Variants in ZNF730 observed in about 807,000 individuals in gnomAD.
The protein encoded by ZNF730 is zinc finger protein 730.
ZNF730 carries 12 observed loss-of-function variants against 12.6 expected under a neutral mutation model. The observed-to-expected ratio is 0.95, with a 90% confidence interval of 0.61 to 1.54. The LOEUF is 1.54. ZNF730 is among the 40% of genes most tolerant of loss of function. The pLI is 0.00. For synonymous variants in ZNF730, 194 were observed against 195.8 expected (o/e 0.99, Z 0.08); for missense variants, 643 against 583.5 (o/e 1.10, Z -1.05).
chr19:23,137,293 AATATTTTTTAGTTCCTTGGT>A (rs1970848758), intron 3 of ZNF730, among the ~76,000 whole-genome samples: 1 of 152,130 alleles, frequency 6.6e-6, no homozygotes, highest in Admixed American at 6.6e-5. Context: ...TTTCATTTAA[AATATTTTTTAGTTCCTTGGT>A]TAAATTTGTT....
chr19:23,114,288 G>A (rs1363215790), upstream of ZNF730, among the ~76,000 whole-genome samples: 9 of 46,864 alleles, frequency 1.9e-4, no homozygotes. Context: ...ATCTAAAGTT[G>A]TTTTTCTTTT....
Position 23,117,123 on chromosome 19 carries a change from G to T in ZNF730, c.-51G>T, listed in dbSNP as rs1970539077. 2 of 1,613,318 alleles carry T rather than the reference G, an allele frequency of 1.2e-6. No homozygotes were observed. The highest frequency in any genetic ancestry group is 2.2e-5 in the East Asian group (1 of 44,864). Reference sequence around the variant, plus strand: ...AGCCTGTGTGGCCCTGCGACCTGCGGGTATTGGGAGATCCACAGCTAAGAC... The same window carrying T: ...AGCCTGTGTGGCCCTGCGACCTGCGTGTATTGGGAGATCCACAGCTAAGAC... On this transcript the variant is annotated 5_prime_UTR_variant, in exon 1 of 4. Transcript: ENST00000597761.
chr19:23,085,510 T>TAAA (rs1970045293), intron 1 of ZNF730, among the ~76,000 whole-genome samples: 1 of 134,924 alleles, frequency 7.4e-6, no homozygotes, highest in Non-Finnish European at 1.6e-5. Flanking sequence ...TTTTTTTTTT[T>TAAA]TTTTTTTTTT....
intron 3 of ZNF730, among the ~76,000 whole-genome samples, chr19:23,143,239 C>T (rs537151442): frequency 4.6e-5 from 7 of 151,152 alleles, no homozygotes; most frequent in East Asian, 1.9e-4. Context: ...AGCGAGACTC[C>T]GTCTCAAAAA....
At chr19:23,135,881 C>T (rs1970824012) in intron 2 of ZNF730, 67 bp from the exon 3 acceptor site, 3 of 1,385,996 alleles carry the variant, frequency 2.2e-6, no homozygotes, top group Middle Eastern at 3.7e-4. Flanking sequence ...ATTCTCTTTA[C>T]TGAGAGCATT....
At chr19:23,091,363 C>T (rs1181852154) in intron 1 of ZNF730, among the ~76,000 whole-genome samples, 2 of 152,250 alleles carry the variant, frequency 1.3e-5, no homozygotes, top group East Asian at 3.9e-4. Flanking sequence ...GGGTCAGAGC[C>T]CCCACACAGT....
Position 23,144,914 on chromosome 19 carries a change from G to A in ZNF730, c.227-357G>A, listed in dbSNP as rs535602264. 2.0e-5 allele frequency among the ~76,000 whole-genome samples: 3 copies of A among 152,156 alleles called. No homozygotes were observed. The East Asian group carries it at 5.8e-4, about 29-fold the overall frequency. ...ATAAACCAGAAATAAAGATGTATGT[G>A]CCAGTATTTTAACTTGTCTTTTAAA... On this transcript the variant is annotated intron_variant, in intron 3 of 3. Transcript: ENST00000597761.
intron 1 of ZNF730, among the ~76,000 whole-genome samples, chr19:23,085,500 T>G (rs1970045058): frequency 2.0e-5 from 1 of 51,068 alleles, no homozygotes; most frequent in African/African-American, 1.5e-4. Context: ...GCCCGTCTTT[T>G]TTTTTTTTTT....
intron 1 of ZNF730, among the ~76,000 whole-genome samples, chr19:23,130,954 T>A (rs1444909334): frequency 6.6e-6 from 1 of 152,188 alleles, no homozygotes; most frequent in Non-Finnish European, 1.5e-5. Flanking sequence ...CAGTTTTGGG[T>A]GATGAATCCT....
intron 1 of ZNF730, chr19:23,127,987 A>G: frequency 1.4e-6 from 1 of 739,902 alleles, no homozygotes; most frequent in East Asian, 2.5e-5. Context: ...GCTCCTCAGT[A>G]GGTCAAGATC....
chr19:23,119,233 G>C lies in ZNF730; in HGVS notation c.3+2057G>C, dbSNP rs1436917166. Among the ~76,000 whole-genome samples the C allele has an allele frequency of 2.0e-5, 3 of 152,118 alleles. No individual in the cohort carries two copies. In the East Asian group the frequency reaches 5.8e-4, roughly 29 times the overall value. The stretch of plus-strand genomic sequence containing the variant: ...TGCCTTCAATGCCAAGTTTGTTGAG[G>C]GTGTTAAACATGAAGGATATTAACT... On this transcript the variant is annotated intron_variant, in intron 1 of 3. Transcript: ENST00000597761.
chr19:23,137,872 T>C (rs1271869671), intron 3 of ZNF730, among the ~76,000 whole-genome samples: 1 of 152,200 alleles, frequency 6.6e-6, no homozygotes, highest in African/African-American at 2.4e-5. Flanking sequence ...TAATTCCCAT[T>C]ATATTTTTGG....
At chr19:23,140,065 ATGTG>A (rs149378177) in intron 3 of ZNF730, among the ~76,000 whole-genome samples, 33 of 149,942 alleles carry the variant, frequency 2.2e-4, no homozygotes, top group Admixed American at 1.9e-3. Context: ...CAATCAGATT[ATGTG>A]TGTGTGTGTG....
At chr19:23,109,416 CT>C (rs1307904124) in intron 1 of ZNF730, among the ~76,000 whole-genome samples, 10 of 141,842 alleles carry the variant, frequency 7.1e-5, no homozygotes, top group Admixed American at 1.4e-4. Context: ...CCTTTTTTTT[CT>C]TTTTTTTTTG....
intron 1 of ZNF730, among the ~76,000 whole-genome samples, chr19:23,122,720 A>G (rs933648118): frequency 2.6e-5 from 4 of 152,348 alleles, no homozygotes; most frequent in Admixed American, 2.0e-4. Flanking sequence ...TTTGTAGACA[A>G]CTTGCATTCA....
rs1212231997 is a variant in ZNF730 at position 23,094,693 on chromosome 19, C to G, written c.-94+19306C>G. On this transcript the variant is annotated intron_variant, in intron 1 of 2. Transcript: ENST00000593635. ...TTCAACATGTTGACCAGGCTGATCTCGAACTCCTGACCTCAGGTGATCCAC... is the reference window on the plus strand; with the variant it reads ...TTCAACATGTTGACCAGGCTGATCTGGAACTCCTGACCTCAGGTGATCCAC... 2.0e-5 allele frequency among the ~76,000 whole-genome samples: 3 copies of G among 152,154 alleles called. No individual in the cohort carries two copies. The East Asian group carries it at 5.8e-4, about 29-fold the overall frequency.
At chr19:23,081,305 C>G (rs543563869) in intron 1 of ZNF730, among the ~76,000 whole-genome samples, 1 of 151,850 alleles carries the variant, frequency 6.6e-6, no homozygotes, top group East Asian at 2.0e-4. Flanking sequence ...CCACCACTCC[C>G]AGCTAATTTT....
intron 1 of ZNF730, chr19:23,127,740 G>T: frequency 2.8e-6 from 3 of 1,086,912 alleles, no homozygotes; most frequent in Non-Finnish European, 4.3e-6. Context: ...ATTGCTTTAA[G>T]TCCACAGTTC....
chr19:23,124,225 C>T (rs888813529), intron 1 of ZNF730: 6 of 152,174 alleles, frequency 3.9e-5, no homozygotes, highest in Non-Finnish European at 8.8e-5. Context: ...TAGGAGAACG[C>T]AAGCAGGGTG....
Sources: gnomAD v4.1 joint callset for allele counts (sites outside exome capture counted in the v4.1 genomes callset) on GRCh38, gnomAD v4.1.1 for gene constraint, MANE v1.5 for transcripts, NCBI Gene and HGNC (gene_info 2026-07-23, HGNC 2026-07-21) for gene names.